Variants in SPRED2 observed in about 807,000 individuals in gnomAD.
The protein encoded by SPRED2 is sprouty related EVH1 domain containing 2.
Under a neutral mutation model 43.0 loss-of-function variants are expected in SPRED2, and 47 were observed. That is an observed-to-expected ratio of 1.09 (90% CI 0.87 to 1.40). The LOEUF (loss-of-function observed/expected upper bound fraction) is 1.40. SPRED2 is among the 40% of genes most tolerant of loss of function. SPRED2 has a pLI of 0.00. For synonymous variants in SPRED2, 225 were observed against 225.7 expected (o/e 1.00, Z 0.03); for missense variants, 561 against 586.4 (o/e 0.96, Z 0.45).
Position 65,432,205 on chromosome 2 carries a change from C to T in SPRED2, c.-218G>A, listed in dbSNP as rs1390154544. 2 of 592,220 alleles carry T rather than the reference C, an allele frequency of 3.4e-6. No homozygotes were observed. The highest frequency in any genetic ancestry group is 6.0e-6 in the Non-Finnish European group (2 of 333,478). The allele number at this position is 592,220 out of a possible 1,614,324, so 36.7% of individuals were successfully genotyped here. A position where few individuals can be genotyped will look rare whatever the true frequency, so the allele number is the denominator to read the frequency against. ...GGCAGGCTGCGCGGGGAGTGAACGCCGCAGCGCCGTGGGGAGAGGCGGGCG... is the reference window on the plus strand; with the variant it reads ...GGCAGGCTGCGCGGGGAGTGAACGCTGCAGCGCCGTGGGGAGAGGCGGGCG... On this transcript the variant is annotated 5_prime_UTR_variant, in exon 1 of 6. Transcript: ENST00000356388.
At chr2:65,384,497 T>C (rs1481600027) in intron 1 of SPRED2, among the ~76,000 whole-genome samples, 1 of 152,100 alleles carries the variant, frequency 6.6e-6, no homozygotes, top group East Asian at 1.9e-4. Flanking sequence ...GTTCAAAACT[T>C]AGTAAGAATT....
At chr2:65,377,932 C>A in intron 1 of SPRED2, 1 of 303,812 alleles carries the variant, frequency 3.3e-6, no homozygotes, top group Non-Finnish European at 6.6e-6. Flanking sequence ...TCTAAGTTTA[C>A]CAAAGGGAAC....
In SPRED2 at chr2:65,331,157, T is replaced by C. The variant is rs527315840; in HGVS notation, c.438+830A>G. On this transcript the variant is annotated intron_variant, in intron 4 of 5. Transcript: ENST00000356388. ...GCGTGGTGGCTAAAGCCTATAAACCTATAATCCCAGCACTTTGAGAAGCTG... is the reference window on the plus strand; with the variant it reads ...GCGTGGTGGCTAAAGCCTATAAACCCATAATCCCAGCACTTTGAGAAGCTG... Among the ~76,000 whole-genome samples, 16 of 152,302 alleles carry C rather than the reference T, an allele frequency of 1.1e-4. No individual in the cohort carries two copies. In the South Asian group the frequency reaches 2.9e-3, roughly 28 times the overall value.
Position 65,311,322 on chromosome 2 carries a change from CAA to C in SPRED2, c.*2177_*2178del. ...GCCCTTAACCGATGCCTTCACAAAC[CAA>C]AAAGTATACGTGGAGTAAGATCTGC... On this transcript the variant is annotated 3_prime_UTR_variant, in exon 6 of 6. Coordinates refer to ENST00000356388, the MANE Select transcript of SPRED2 (RefSeq NM_181784.3). 1.0e-6 allele frequency: 1 copy of C among 985,704 alleles called. No homozygotes were observed. Among genetic ancestry groups the C allele is most frequent in the South Asian group, 4.7e-5 (1 of 21,276 alleles). The allele number at this position is 985,704 out of a possible 1,614,324, so 61.1% of individuals were successfully genotyped here. A position where few individuals can be genotyped will look rare whatever the true frequency, so the allele number is the denominator to read the frequency against.
chr2:65,354,066 A>C (rs11695373), intron 1 of SPRED2, among the ~76,000 whole-genome samples: 1 of 152,106 alleles, frequency 6.6e-6, no homozygotes, highest in Non-Finnish European at 1.5e-5. Context: ...CAAAGATCAG[A>C]GCTGGAAGTT....
chr2:65,341,629 T>C (rs559376323), intron 2 of SPRED2, among the ~76,000 whole-genome samples: 8 of 152,162 alleles, frequency 5.3e-5, no homozygotes, highest in Admixed American at 2.6e-4. Flanking sequence ...AATGTGGAAA[T>C]AGTAGTATCT....
At chr2:65,373,838 T>C (rs1437463) in intron 1 of SPRED2, 1 of 152,236 alleles carries the variant, frequency 6.6e-6, no homozygotes, top group Non-Finnish European at 1.5e-5. Context: ...TATTGGCTTC[T>C]ACAGGGGGTA....
At chr2:65,374,976 G>C (rs138197759) in intron 1 of SPRED2, among the ~76,000 whole-genome samples, 160 of 152,348 alleles carry the variant, frequency 1.1e-3, no homozygotes, top group Middle Eastern at 3.4e-3. Context: ...ACCAAGAAAA[G>C]AAGCTTGCTG....
intron 1 of SPRED2, among the ~76,000 whole-genome samples, chr2:65,370,632 T>G (rs1011475131): frequency 6.6e-5 from 10 of 152,200 alleles, no homozygotes; most frequent in African/African-American, 2.2e-4. Context: ...CAATTTAGAA[T>G]CAGATACAAG....
In SPRED2 at chr2:65,432,145, G is replaced by A; in HGVS notation, c.-158C>T. The A allele has an allele frequency of 1.1e-6, 1 of 906,322 alleles. No individual in the cohort carries two copies. 56.1% of individuals were successfully genotyped at this position (906,322 alleles called of 1,614,324 possible). A position where few individuals can be genotyped will look rare whatever the true frequency, so the allele number is the denominator to read the frequency against. ...GGGCGCCGCAGCAGAAGGGGAAGCAGGGCGCGGGATAGGGTTTGGGGGAAG... is the reference window on the plus strand; with the variant it reads ...GGGCGCCGCAGCAGAAGGGGAAGCAAGGCGCGGGATAGGGTTTGGGGGAAG... On this transcript the variant is annotated 5_prime_UTR_variant, in exon 1 of 6. Coordinates refer to ENST00000356388, the MANE Select transcript of SPRED2 (RefSeq NM_181784.3).
At position 65,432,095 on chromosome 2, in the gene SPRED2, GA is replaced by G. The variant is rs768775013; in HGVS notation, c.-109del. 3 of 1,444,196 alleles carry G rather than the reference GA, an allele frequency of 2.1e-6. No individual in the cohort carries two copies. Among genetic ancestry groups the G allele is most frequent in the Non-Finnish European group, 9.6e-7 (1 of 1,042,708 alleles). The allele number at this position is 1,444,196 out of a possible 1,614,324, so 89.5% of individuals were successfully genotyped here. A position where few individuals can be genotyped will look rare whatever the true frequency, so the allele number is the denominator to read the frequency against. ...ATCTCCGGAGATCGCCTGATTTGGG[GA>G]GGGGGGGCGGCTAGAGATGAAGAGG... On this transcript the variant is annotated 5_prime_UTR_variant, in exon 1 of 6. Transcript: ENST00000356388.
intron 2 of SPRED2, among the ~76,000 whole-genome samples, chr2:65,337,976 T>C (rs935702924): frequency 6.6e-6 from 1 of 152,236 alleles, no homozygotes; most frequent in Non-Finnish European, 1.5e-5. Context: ...TTTATATTAA[T>C]GAGTTAGTGG....
intron 1 of SPRED2, among the ~76,000 whole-genome samples, chr2:65,425,655 T>A (rs1218630822): frequency 2.0e-5 from 3 of 152,220 alleles, no homozygotes; most frequent in Non-Finnish European, 4.4e-5. Context: ...ATATAAAAAA[T>A]ATATTTTGTT....
intron 1 of SPRED2, among the ~76,000 whole-genome samples, chr2:65,411,203 C>T (rs920335781): frequency 6.6e-6 from 1 of 152,178 alleles, no homozygotes; most frequent in African/African-American, 2.4e-5. Context: ...AATCCTCCAG[C>T]AATCTTTTGA....
chr2:65,360,986 C>T (rs1012079558), intron 1 of SPRED2, among the ~76,000 whole-genome samples: 23 of 152,176 alleles, frequency 1.5e-4, no homozygotes, highest in Admixed American at 5.2e-4. Flanking sequence ...AGGAGGATTG[C>T]TTAAGCCCAG....
intron 1 of SPRED2, among the ~76,000 whole-genome samples, chr2:65,348,793 A>T (rs1174374172): frequency 5.7e-5 from 2 of 35,394 alleles, no homozygotes. Flanking sequence ...AACTCCGTCT[A>T]AAAAAAAAAA....
At chr2:65,397,908 C>G (rs1197481974) in intron 1 of SPRED2, among the ~76,000 whole-genome samples, 1 of 152,066 alleles carries the variant, frequency 6.6e-6, no homozygotes, top group Admixed American at 6.5e-5. Context: ...CACATGCAAT[C>G]AAAAAAGAGC....
intron 1 of SPRED2, among the ~76,000 whole-genome samples, chr2:65,378,711 G>A (rs1194984084): frequency 2.0e-5 from 3 of 152,186 alleles, no homozygotes; most frequent in African/African-American, 4.8e-5. Context: ...AACTGCACTC[G>A]ATTTTTCATT....
At chr2:65,376,346 A>G (rs1239705387) in intron 1 of SPRED2, among the ~76,000 whole-genome samples, 2 of 152,202 alleles carry the variant, frequency 1.3e-5, no homozygotes, top group Middle Eastern at 3.2e-3. Flanking sequence ...GGACTGTTTA[A>G]ATGTGGATAA....
Sources: gnomAD v4.1 joint callset for allele counts (sites outside exome capture counted in the v4.1 genomes callset) on GRCh38, gnomAD v4.1.1 for gene constraint, MANE v1.5 for transcripts, NCBI Gene and HGNC (gene_info 2026-07-23, HGNC 2026-07-21) for gene names.